The following RCOR3 variants were observed in gnomAD, a reference collection of about 807,000 sequenced individuals.
RCOR3 encodes the protein REST corepressor 3.
Under a neutral mutation model 64.1 loss-of-function variants are expected in RCOR3, and 13 were observed. The observed-to-expected ratio is 0.20, with a 90% CI of 0.13 to 0.32. The LOEUF (loss-of-function observed/expected upper bound fraction) is 0.32. RCOR3 is among the 10% of genes least tolerant of loss of function. RCOR3 has a pLI of 1.00. For missense variants in RCOR3, 489 were observed against 701.2 expected (o/e 0.70, Z 3.42); for synonymous variants, 215 against 239.0 (o/e 0.90, Z 0.93).
At chr1:211,267,870 G>A in intron 2 of RCOR3, 4 of 387,994 alleles carry the variant, frequency 1.0e-5, no homozygotes, top group South Asian at 7.3e-5. Context: ...TGGGATTATA[G>A]GTAAGAGCCA....
intron 7 of RCOR3, among the ~76,000 whole-genome samples, chr1:211,280,800 A>G (rs748338650): frequency 1.3e-5 from 2 of 152,144 alleles, no homozygotes; most frequent in African/African-American, 2.4e-5. Context: ...CCTGACCAAC[A>G]TGGAGAAACC....
chr1:211,276,694 G>GA (rs146407160), intron 5 of RCOR3, among the ~76,000 whole-genome samples: 1 of 151,478 alleles, frequency 6.6e-6, no homozygotes, highest in African/African-American at 2.4e-5. Context: ...ATTGTTCCAG[G>GA]AAAAAAAATA....
rs1693791075 is a variant in RCOR3, at chr1:211,259,530, C to T, written c.-31C>T. ...GCCTTCACCCTGACGCCTGCCTCTT[C>T]CCCTCACCTTTCCCCCTCCCCTGTT... On this transcript the variant is annotated 5_prime_UTR_variant, in exon 1 of 12. Coordinates refer to ENST00000419091, the MANE Select transcript of RCOR3 (RefSeq NM_001136223.3). 3 of 1,538,638 alleles carry T rather than the reference C, an allele frequency of 1.9e-6. No homozygotes were observed. The highest frequency in any genetic ancestry group is 1.2e-5 in the South Asian group (1 of 83,716).
intron 3 of RCOR3, among the ~76,000 whole-genome samples, chr1:211,272,586 T>C (rs1157302077): frequency 7.0e-6 from 1 of 142,122 alleles, no homozygotes; most frequent in African/African-American, 2.6e-5. Context: ...AGTTAGAGGC[T>C]TCAAGGGTGG....
chr1:211,282,707 T>C (rs929898207), intron 7 of RCOR3, among the ~76,000 whole-genome samples: 4 of 152,086 alleles, frequency 2.6e-5, no homozygotes, highest in Non-Finnish European at 4.4e-5. Flanking sequence ...CCATGTTGGC[T>C]AGGCTGGTCT....
At chr1:211,303,968 A>C (rs1571991730) in intron 9 of RCOR3, 115 bp from the exon 10 acceptor site, 1 of 524,616 alleles carries the variant, frequency 1.9e-6, no homozygotes, top group African/African-American at 2.0e-5. Flanking sequence ...AATCTTCATG[A>C]ATCAGAGTTG....
At chr1:211,295,891 CTT>C in intron 9 of RCOR3, 138 bp downstream of exon 9, 1 of 594,978 alleles carries the variant, frequency 1.7e-6, no homozygotes, top group Non-Finnish European at 3.0e-6. Context: ...TATTATGTCT[CTT>C]TTTATTTAGA....
At chr1:211,298,480 G>T (rs1414282641) in intron 9 of RCOR3, among the ~76,000 whole-genome samples, 1 of 152,150 alleles carries the variant, frequency 6.6e-6, no homozygotes, top group East Asian at 1.9e-4. Flanking sequence ...GAGTCAACAG[G>T]TATTCCCTGA....
At chr1:211,310,134 A>G (rs1701333204) in intron 10 of RCOR3, among the ~76,000 whole-genome samples, 1 of 152,300 alleles carries the variant, frequency 6.6e-6, no homozygotes, top group South Asian at 2.1e-4. Flanking sequence ...TAGTAATGCT[A>G]GTGCTGCTTT....
chr1:211,313,707 G>T lies in RCOR3; in HGVS notation c.1601G>T (p.Gly534Val). The T allele has an allele frequency of 1.2e-6, 2 of 1,614,194 alleles. No homozygotes were observed. Among genetic ancestry groups the T allele is most frequent in the Non-Finnish European group, 1.7e-6 (2 of 1,180,040 alleles). Residue 534 changes from glycine to valine, a missense_variant, in exon 12 of 12, where the codon GGT becomes GTT. By Grantham distance (109) the Gly-to-Val change is moderately radical. This residue lies in a region of RCOR3 where 402 missense variants were observed against 617.0 expected (regional missense o/e 0.65). Transcript: ENST00000419091. The surrounding 1 kb of genome is among the most constrained non-coding windows in gnomAD (Gnocchi z 4.7). Reference sequence around the variant, plus strand: ...CCAAGACCGGTGTTGTCCACGGTTGGTGGTCAACAGCCACCATCACTTATT... The same window carrying T: ...CCAAGACCGGTGTTGTCCACGGTTGTTGGTCAACAGCCACCATCACTTATT... ...LNPRPVLSTVGGQQPPSLIGI... is the reference protein window; with the variant it reads ...LNPRPVLSTVVGQQPPSLIGI...
Position 211,312,635 on chromosome 1 carries a change from G to T in RCOR3, c.1076-85G>T. The T allele has an allele frequency of 1.1e-6, 1 of 904,076 alleles. No individual in the cohort carries two copies. The highest frequency in any genetic ancestry group is 1.8e-6 in the Non-Finnish European group (1 of 562,760). 56.0% of individuals were successfully genotyped at this position (904,076 alleles called of 1,614,324 possible). ...TTATCAGAAAGGAATTTCATTGCTGGTATCTTTTGTGTGTGCATGATGTAT... is the reference window on the plus strand; with the variant it reads ...TTATCAGAAAGGAATTTCATTGCTGTTATCTTTTGTGTGTGCATGATGTAT... On this transcript the variant is annotated intron_variant, in intron 10 of 11. Transcript: ENST00000419091. The surrounding 1 kb of genome is among the most constrained non-coding windows in gnomAD (Gnocchi z 5.0).
Position 211,279,351 on chromosome 1 carries a change from C to T in RCOR3, c.720+35C>T, listed in dbSNP as rs189719093. 2,893 of 1,448,652 alleles carry T rather than the reference C, an allele frequency of 2.0e-3. 8 individuals carry two copies. The highest frequency in any genetic ancestry group is 2.2e-3 in the Non-Finnish European group (2,286 of 1,037,148). 89.7% of individuals were successfully genotyped at this position (1,448,652 alleles called of 1,614,324 possible). On this transcript the variant is annotated intron_variant, in intron 7 of 11. Coordinates refer to ENST00000419091, the MANE Select transcript of RCOR3 (RefSeq NM_001136223.3). ...ATCACTAGAAGTACTTGTGATTGTT[C>T]TACAAATCTGCTGAAAAAGAATGAA...
Position 211,316,134 on chromosome 1 carries a change from A to G in RCOR3, c.*2366A>G, listed in dbSNP as rs1185577670. 6.6e-6 allele frequency: 1 copy of G among 152,172 alleles called. No individual in the cohort carries two copies. The highest frequency in any genetic ancestry group is 1.5e-5 in the Non-Finnish European group (1 of 68,024). The allele number at this position is 152,172 out of a possible 1,614,324, so 9.4% of individuals were successfully genotyped here. On this transcript the variant is annotated 3_prime_UTR_variant, in exon 12 of 12. Coordinates refer to ENST00000419091, the MANE Select transcript of RCOR3 (RefSeq NM_001136223.3). Reference sequence around the variant, plus strand: ...CAAAACTAGAAATCTTTTAATGACAATTTTCATTAATTTCAGGGTTATCAT... The same window carrying G: ...CAAAACTAGAAATCTTTTAATGACAGTTTTCATTAATTTCAGGGTTATCAT...
chr1:211,280,572 C>G (rs575810083), intron 7 of RCOR3, among the ~76,000 whole-genome samples: 2 of 152,312 alleles, frequency 1.3e-5, no homozygotes, highest in South Asian at 2.1e-4. Flanking sequence ...AATTTCATTG[C>G]TTGTGTGATC....
At chr1:211,302,598 T>C (rs561113184) in intron 9 of RCOR3, 3 of 152,314 alleles carry the variant, frequency 2.0e-5, no homozygotes, top group East Asian at 3.9e-4. Context: ...ATTAACTATT[T>C]TTAAAAAAAC....
chr1:211,306,563 GA>G (rs1459219209), intron 10 of RCOR3, among the ~76,000 whole-genome samples: 1 of 152,010 alleles, frequency 6.6e-6, no homozygotes, highest in Admixed American at 6.6e-5. Flanking sequence ...GTGACCTGCA[GA>G]AAAAAATATT....
At chr1:211,307,308 T>C (rs1290235439) in intron 10 of RCOR3, among the ~76,000 whole-genome samples, 8 of 151,988 alleles carry the variant, frequency 5.3e-5, no homozygotes, top group African/African-American at 1.9e-4. Flanking sequence ...GGCAACATGG[T>C]GAAACCCCAT....
chr1:211,310,447 C>T (rs866727648), intron 10 of RCOR3, among the ~76,000 whole-genome samples: 1 of 152,110 alleles, frequency 6.6e-6, no homozygotes. Context: ...GTGGTCTGAG[C>T]TTTAAGAGTT....
At chr1:211,274,555 A>G (rs1195095384) in intron 4 of RCOR3, among the ~76,000 whole-genome samples, 1 of 152,082 alleles carries the variant, frequency 6.6e-6, no homozygotes, top group East Asian at 1.9e-4. Context: ...GCTTACCAAA[A>G]TGAAAAGTTA....
Sources: allele counts gnomAD v4.1 joint callset (sites outside exome capture counted in the v4.1 genomes callset), GRCh38; gene constraint gnomAD v4.1.1; regional missense constraint gnomAD v4.1.1; non-coding constraint Gnocchi (gnomAD v3.1); transcripts MANE v1.5; gene names NCBI Gene and HGNC (gene_info 2026-07-23, HGNC 2026-07-21).